The following SOX6 variants were observed in gnomAD, a reference collection of about 807,000 sequenced individuals.
SOX6 encodes transcription factor SOX-6.
Under a neutral mutation model 97.8 loss-of-function variants are expected in SOX6, and 11 were observed. That is an observed-to-expected ratio of 0.11 (90% CI 0.07 to 0.19). The LOEUF is 0.19. SOX6 is among the 10% of genes least tolerant of loss of function. SOX6 has a pLI of 1.00. For missense variants in SOX6, 810 were observed against 1,039.5 expected (o/e 0.78, Z 3.04); for synonymous variants, 360 against 371.4 (o/e 0.97, Z 0.35).
At chr11:16,353,293 C>T (rs78863750) in intron 1 of SOX6, among the ~76,000 whole-genome samples, 1,742 of 152,080 alleles carry the variant, frequency 0.011, 33 homozygotes, top group African/African-American at 0.04. Flanking sequence ...AACACACTAC[C>T]CGTCTAGAGC....
chr11:16,205,802 T>G (rs1852055939), intron 4 of SOX6, among the ~76,000 whole-genome samples: 1 of 152,124 alleles, frequency 6.6e-6, no homozygotes. Flanking sequence ...GTTTCTGGAA[T>G]GTAAGTCAGG....
At chr11:16,419,086 A>G (rs1193802297) in intron 1 of SOX6, among the ~76,000 whole-genome samples, 2 of 152,176 alleles carry the variant, frequency 1.3e-5, no homozygotes, top group African/African-American at 4.8e-5. Flanking sequence ...TGCTATTTTA[A>G]TATCTTCACT....
chr11:16,110,919 C>A (rs972121737), intron 7 of SOX6, among the ~76,000 whole-genome samples: 2 of 152,142 alleles, frequency 1.3e-5, no homozygotes, highest in African/African-American at 4.8e-5. Context: ...ATTTGTTGTA[C>A]TCAGATTTGA....
At chr11:16,164,830 A>G (rs1850843568) in intron 6 of SOX6, among the ~76,000 whole-genome samples, 1 of 151,748 alleles carries the variant, frequency 6.6e-6, no homozygotes, top group Non-Finnish European at 1.5e-5. Flanking sequence ...CAAAAAAAAA[A>G]AAAAAGAAAG....
At chr11:16,289,661 A>G (rs770246567) in intron 3 of SOX6, among the ~76,000 whole-genome samples, 83 of 151,908 alleles carry the variant, frequency 5.5e-4, no homozygotes, top group Non-Finnish European at 1.0e-3. Context: ...TAAATGACAA[A>G]CTCCTAGAAA....
chr11:16,687,315 A>AAG (rs374119756), intron 3 of SOX6, among the ~76,000 whole-genome samples: 16 of 152,290 alleles, frequency 1.1e-4, no homozygotes, highest in African/African-American at 1.9e-4. Flanking sequence ...GAACAGGAGC[A>AAG]AGAGAGAGAG....
intron 15 of SOX6, among the ~76,000 whole-genome samples, chr11:15,974,525 T>C (rs1201813163): frequency 6.9e-6 from 1 of 145,346 alleles, no homozygotes; most frequent in Non-Finnish European, 1.5e-5. Flanking sequence ...TATCTCCCAA[T>C]GCTATCCCTC....
chr11:16,445,418 G>C (rs1258853848), intron 1 of SOX6, among the ~76,000 whole-genome samples: 1 of 152,042 alleles, frequency 6.6e-6, no homozygotes, highest in Middle Eastern at 3.2e-3. Context: ...CCCATGATTT[G>C]CATATTCGTC....
At chr11:16,191,296 A>T (rs1047716583) in intron 4 of SOX6, among the ~76,000 whole-genome samples, 3 of 152,028 alleles carry the variant, frequency 2.0e-5, no homozygotes, top group African/African-American at 7.2e-5. Flanking sequence ...CTCTCCAAAA[A>T]TTTTTTTGTA....
intron 4 of SOX6, among the ~76,000 whole-genome samples, chr11:16,518,785 C>T (rs920507839): frequency 9.2e-5 from 14 of 151,994 alleles, no homozygotes; most frequent in African/African-American, 1.9e-4. Context: ...ACAAAAAAAA[C>T]GTAAATAAGC....
chr11:16,147,216 G>A (rs759075888), intron 6 of SOX6, among the ~76,000 whole-genome samples: 3 of 151,952 alleles, frequency 2.0e-5, no homozygotes, highest in Non-Finnish European at 2.9e-5. Flanking sequence ...CATGGATGAA[G>A]CTGGAAACTA....
At chr11:16,219,833 A>G (rs1478490071) in intron 4 of SOX6, among the ~76,000 whole-genome samples, 2 of 151,974 alleles carry the variant, frequency 1.3e-5, no homozygotes, top group Admixed American at 1.3e-4. Flanking sequence ...TCTAAACTAA[A>G]GATATACCCA....
intron 4 of SOX6, among the ~76,000 whole-genome samples, chr11:16,539,464 A>T (rs532911781): frequency 6.6e-6 from 1 of 152,318 alleles, no homozygotes; most frequent in Admixed American, 6.5e-5. Flanking sequence ...AGATATAACT[A>T]AGATCGGAGC....
intron 4 of SOX6, among the ~76,000 whole-genome samples, chr11:16,570,678 A>G (rs1847929133): frequency 6.6e-6 from 1 of 152,214 alleles, no homozygotes. Context: ...TGTTCAAATT[A>G]GTTAAAGTAC....
At chr11:16,305,373 A>G (rs184762304) in intron 3 of SOX6, among the ~76,000 whole-genome samples, 46 of 152,328 alleles carry the variant, frequency 3.0e-4, no homozygotes, top group African/African-American at 1.0e-3. Flanking sequence ...ATCAGTACAC[A>G]CCTATAAGAA....
intron 4 of SOX6, among the ~76,000 whole-genome samples, chr11:16,537,511 T>G (rs1014357564): frequency 1.3e-5 from 2 of 152,054 alleles, no homozygotes; most frequent in Admixed American, 1.3e-4. Flanking sequence ...AGAAGGTCGG[T>G]AACAACAAAC....
chr11:16,708,300 T>C (rs747948929), intron 3 of SOX6, among the ~76,000 whole-genome samples: 4 of 152,182 alleles, frequency 2.6e-5, no homozygotes, highest in Non-Finnish European at 5.9e-5. Flanking sequence ...GCCTTAGATG[T>C]ATAAGCTCAA....
intron 1 of SOX6, among the ~76,000 whole-genome samples, chr11:16,421,953 C>CA (rs1859029254): frequency 6.6e-6 from 1 of 152,172 alleles, no homozygotes; most frequent in Non-Finnish European, 1.5e-5. Context: ...AGCTTTTGCA[C>CA]ATGCCTCTAA....
intron 6 of SOX6, among the ~76,000 whole-genome samples, chr11:16,175,103 T>C (rs760648563): frequency 2.0e-5 from 3 of 151,968 alleles, no homozygotes; most frequent in Non-Finnish European, 4.4e-5. Flanking sequence ...TAATAATTGA[T>C]TATAGTACCT....
Sources: gnomAD v4.1 joint callset for allele counts (sites outside exome capture counted in the v4.1 genomes callset) on GRCh38, gnomAD v4.1.1 for gene constraint, MANE v1.5 for transcripts, NCBI Gene and HGNC (gene_info 2026-07-23, HGNC 2026-07-21) for gene names.